RYR1: variants seen among roughly 807,000 people sequenced by gnomAD.
RYR1 encodes the protein ryanodine receptor 1.
A neutral mutation model predicts 583.5 loss-of-function variants in RYR1; 342 were observed. That is an observed-to-expected ratio of 0.59 (90% CI 0.54 to 0.64). The LOEUF (loss-of-function observed/expected upper bound fraction) is 0.64. Ranked by LOEUF, RYR1 falls within the 30% of genes least tolerant of loss-of-function variation. The pLI is 0.00. For missense variants in RYR1, 6,032 were observed against 6,917.2 expected (o/e 0.87, Z 4.54); for synonymous variants, 2,791 against 2,822.5 (o/e 0.99, Z 0.35).
At chr19:38,537,857 C>T in intron 83 of RYR1, 23 bp from the exon 84 acceptor site, 1 of 1,612,016 alleles carries the variant, frequency 6.2e-7, no homozygotes, top group Non-Finnish European at 8.5e-7. Context: ...CCTCCTGGGC[C>T]CTGTCCCCTC....
intron 84 of RYR1, among the ~76,000 whole-genome samples, chr19:38,542,738 C>T (rs1345428300): frequency 6.6e-6 from 1 of 152,074 alleles, no homozygotes; most frequent in Admixed American, 6.5e-5. Context: ...CCAGGCTGGT[C>T]TCAAACTCCT....
intron 101 of RYR1, among the ~76,000 whole-genome samples, chr19:38,581,461 C>T (rs1336642264): frequency 6.6e-6 from 1 of 152,172 alleles, no homozygotes; most frequent in Admixed American, 6.6e-5. Flanking sequence ...GTGATCTGCC[C>T]ACCTCGGCCT....
rs1969978948 is a variant in RYR1 at position 38,499,118 on chromosome 19, A to T, written c.6902A>T (p.Tyr2301Phe). The change falls in exon 43 of 106, where the codon TAC (tyrosine) becomes TTC (phenylalanine). Residue 2301 changes from tyrosine (Y) to phenylalanine (F), a missense_variant. Physicochemically the swap from Tyr to Phe is conservative, Grantham distance 22. Coordinates refer to ENST00000359596, the MANE Select transcript of RYR1 (RefSeq NM_000540.3). This position sits in a 1 kb window ranked among gnomAD's most constrained non-coding sequence, Gnocchi z 7.3. ...QEQDLEKVVS[Y>F]LAGCGLQSCP... ...CCCTTCTGCCCCCAGGTTGTGTCCT[A>T]CCTGGCAGGCTGTGGCCTCCAGAGC... The T allele has an allele frequency of 6.2e-7, 1 of 1,613,982 alleles. No homozygotes were observed. The highest frequency in any genetic ancestry group is 1.1e-5 in the South Asian group (1 of 91,082).
In RYR1 at chr19:38,455,633, G is replaced by A; in HGVS notation, c.1673G>A (p.Gly558Asp). 6.2e-7 allele frequency: 1 copy of A among 1,612,428 alleles called. No individual in the cohort carries two copies. Among genetic ancestry groups the A allele is most frequent in the Non-Finnish European group, 8.5e-7 (1 of 1,178,506 alleles). ...SKLDRLEASSGILEVLYCVLI... is the reference protein window; with the variant it reads ...SKLDRLEASSDILEVLYCVLI... ...CCTCTCATTCTGGGCACCCTGGCAG[G>A]CATCCTGGAGGTCCTGTACTGTGTC... Residue 558 changes from glycine (G) to aspartate (D), a missense_variant and splice_region_variant, in exon 16 of 106, where the codon GGC becomes GAC. Transcript: ENST00000359596.
chr19:38,538,035 T>C, intron 84 of RYR1, 75 bp downstream of exon 84: 1 of 1,373,430 alleles, frequency 7.3e-7, no homozygotes, highest in African/African-American at 1.4e-5. Flanking sequence ...TGAATTAGTT[T>C]CCGCCCCTCC....
In RYR1 at chr19:38,506,888, C is replaced by G. The variant is rs571701341; in HGVS notation, c.8752C>G (p.Arg2918Gly). The stretch of plus-strand genomic sequence containing the variant: ...CACGCTCACGGCCAAGGAGAAGGCA[C>G]GAGATCGAGAGAAGGCCCAGGAGCT... ...YDTLTAKEKA[R>G]DREKAQELLK... The change falls in exon 57 of 106, where the codon CGA becomes GGA. Residue 2918 changes from arginine (R) to glycine (G), a missense_variant. Arg to Gly is a moderately radical substitution (Grantham distance 125). Around this residue, in one of 11 missense-constraint regions of RYR1, gnomAD observed 1,493 missense variants for 1,715.5 expected, o/e 0.87. Coordinates refer to ENST00000359596, the MANE Select transcript of RYR1 (RefSeq NM_000540.3). The G allele has an allele frequency of 4.3e-5, 70 of 1,613,690 alleles. No individual in the cohort carries two copies. The highest frequency in any genetic ancestry group is 6.7e-5 in the Admixed American group (4 of 60,002).
At chr19:38,463,645 A>AG (rs1040761844) in intron 21 of RYR1, 102 bp from the exon 22 acceptor site, 4 of 1,452,982 alleles carry the variant, frequency 2.8e-6, no homozygotes, top group African/African-American at 2.8e-5. Context: ...CCTTGGACTG[A>AG]GGGTGGCAGA....
chr19:38,522,981 C>T, intron 67 of RYR1, 47 bp from the exon 68 acceptor site: 2 of 1,471,194 alleles, frequency 1.4e-6, no homozygotes, highest in Middle Eastern at 2.4e-4. Context: ...CAGCCCCCTT[C>T]CCTGGGATCC....
At position 38,482,842 on chromosome 19, in the gene RYR1, G is replaced by T. The variant is rs577536735; in HGVS notation, c.4621-185G>T. 7.2e-5 allele frequency among the ~76,000 whole-genome samples: 11 copies of T among 152,264 alleles called. No individual in the cohort carries two copies. The South Asian group carries it at 1.9e-3, about 26-fold the overall frequency. The stretch of plus-strand genomic sequence containing the variant: ...AGAGACAGATGACAGGTTGCTCTGG[G>T]AAAGTTGGAGGAGGTTGGCCTGGCT... On this transcript the variant is annotated intron_variant, in intron 31 of 105. Coordinates refer to ENST00000359596, the MANE Select transcript of RYR1 (RefSeq NM_000540.3).
chr19:38,435,712 T>C (rs1221358191), intron 1 of RYR1, among the ~76,000 whole-genome samples: 1 of 151,954 alleles, frequency 6.6e-6, no homozygotes, highest in Non-Finnish European at 1.5e-5. Context: ...CACTCCAGCC[T>C]GGGCGACAGG....
In RYR1 at chr19:38,467,774, G is replaced by A. The variant is rs775927793; in HGVS notation, c.3343G>A (p.Gly1115Arg). The part of the protein sequence containing the change: ...RPELRPDVEL[G>R]ADELAYVFNG... Reference sequence around the variant, plus strand: ...CGAGCTGAGGCCTGATGTAGAGCTGGGAGCTGACGAGCTGGCCTATGTCTT... The same window carrying A: ...CGAGCTGAGGCCTGATGTAGAGCTGAGAGCTGACGAGCTGGCCTATGTCTT... The change falls in exon 25 of 106, where the codon GGA (glycine) becomes AGA (arginine). Residue 1115 changes from glycine (G) to arginine (R), a missense_variant. Around this residue, in one of 11 missense-constraint regions of RYR1, gnomAD observed 2,627 missense variants for 2,961.3 expected, o/e 0.89. Coordinates refer to ENST00000359596, the MANE Select transcript of RYR1 (RefSeq NM_000540.3). 6.2e-7 allele frequency: 1 copy of A among 1,614,176 alleles called. No homozygotes were observed. The highest frequency in any genetic ancestry group is 1.1e-5 in the South Asian group (1 of 91,084).
Position 38,561,592 on chromosome 19 carries a change from CT to C in RYR1, c.12624+142del. The C allele has an allele frequency of 1.2e-6, 1 of 837,766 alleles. No homozygotes were observed. The highest frequency in any genetic ancestry group is 1.7e-5 in the South Asian group (1 of 57,854). The allele number at this position is 837,766 out of a possible 1,614,324, so 51.9% of individuals were successfully genotyped here. On this transcript the variant is annotated intron_variant, in intron 90 of 105. Coordinates refer to ENST00000359596, the MANE Select transcript of RYR1 (RefSeq NM_000540.3). This position sits in a 1 kb window ranked among gnomAD's most constrained non-coding sequence, Gnocchi z 4.8. Reference sequence around the variant, plus strand: ...CTGCTCCGGCAAGCCCACGCCCACCCTTTTGTACACATTTCGTCCAGCTGCG... The same window carrying C: ...CTGCTCCGGCAAGCCCACGCCCACCCTTTGTACACATTTCGTCCAGCTGCG...
rs1468259003 is a variant in RYR1, at chr19:38,500,246, G to A, written c.7323+230G>A. On this transcript the variant is annotated intron_variant, in intron 45 of 105. Coordinates refer to ENST00000359596, the MANE Select transcript of RYR1 (RefSeq NM_000540.3). The surrounding 1 kb of genome is among the most constrained non-coding windows in gnomAD (Gnocchi z 5.9). ...CACCCAGAGTGGTCAGGGCTGGGAT[G>A]GGGGAGCACAGGAAGAGGGGTCGGG... Among the ~76,000 whole-genome samples, 1 of 151,942 alleles carries A rather than the reference G, an allele frequency of 6.6e-6. No individual in the cohort carries two copies. The highest frequency in any genetic ancestry group is 1.5e-5 in the Non-Finnish European group (1 of 67,966).
intron 31 of RYR1, among the ~76,000 whole-genome samples, chr19:38,482,475 G>A (rs1199312806): frequency 2.6e-5 from 4 of 152,042 alleles, no homozygotes; most frequent in African/African-American, 9.7e-5. Flanking sequence ...TTTTGAGATA[G>A]GGTCTTGTTC....
At position 38,517,661 on chromosome 19, in the gene RYR1, G is replaced by A; in HGVS notation, c.9988G>A (p.Asp3330Asn). Residue 3330 changes from aspartate to asparagine, a missense_variant, in exon 66 of 106, where the codon GAC becomes AAC. Asp to Asn is a conservative substitution (Grantham distance 23, BLOSUM62 1). Transcript: ENST00000359596. ...LRIIVNNLGI[D>N]EASWMKRLAV... The stretch of plus-strand genomic sequence containing the variant: ...AATCATCGTCAACAACCTGGGCATT[G>A]ACGAGGCCTCCTGGATGAAGCGGCT... 6.2e-7 allele frequency: 1 copy of A among 1,614,198 alleles called. No individual in the cohort carries two copies. Among genetic ancestry groups the A allele is most frequent in the South Asian group, 1.1e-5 (1 of 91,088 alleles).
At chr19:38,454,458 G>C (rs1004506652) in intron 13 of RYR1, among the ~76,000 whole-genome samples, 2 of 152,214 alleles carry the variant, frequency 1.3e-5, no homozygotes, top group South Asian at 4.1e-4. Context: ...GAAAATATGT[G>C]TTAGATAAGC....
chr19:38,536,825 G>C, intron 83 of RYR1, 58 bp downstream of exon 83: 1 of 1,559,736 alleles, frequency 6.4e-7, no homozygotes, highest in Admixed American at 1.7e-5. Flanking sequence ...TCCTAACCCC[G>C]TCCACCCCTC....
chr19:38,454,416 A>G (rs1967255056), intron 13 of RYR1, among the ~76,000 whole-genome samples: 1 of 152,222 alleles, frequency 6.6e-6, no homozygotes, highest in Admixed American at 6.5e-5. Flanking sequence ...TAGCTTTCCT[A>G]AGTGCAAGAA....
chr19:38,438,324 A>C (rs1418190041), intron 1 of RYR1, among the ~76,000 whole-genome samples: 1 of 151,470 alleles, frequency 6.6e-6, no homozygotes, highest in African/African-American at 2.4e-5. Flanking sequence ...TTAACATTAC[A>C]TATTAATTCA....
Sources: gnomAD v4.1 joint callset for allele counts (sites outside exome capture counted in the v4.1 genomes callset) on GRCh38, gnomAD v4.1.1 for gene constraint, gnomAD v4.1.1 regional missense constraint, Gnocchi (gnomAD v3.1) non-coding constraint, MANE v1.5 for transcripts, NCBI Gene and HGNC (gene_info 2026-07-23, HGNC 2026-07-21) for gene names.